CDC42BPA: variants seen among roughly 807,000 people sequenced by gnomAD.
CDC42BPA encodes the protein serine/threonine-protein kinase MRCK alpha.
CDC42BPA carries 80 observed loss-of-function variants against 223.5 expected under a neutral mutation model. The ratio of observed to expected loss-of-function variants is 0.36; its 90% CI spans 0.30 to 0.43. The LOEUF (loss-of-function observed/expected upper bound fraction) is 0.43, where lower values mean the gene tolerates loss of function less well. CDC42BPA is among the 20% of genes least tolerant of loss of function. The probability of loss-of-function intolerance (pLI) is 1.00; values close to 1 mark genes in which losing one functional copy is unlikely to be tolerated. For missense variants in CDC42BPA, 1,743 were observed against 2,099.9 expected, an observed-to-expected ratio of 0.83 and a Z score of 3.32; for synonymous variants, 694 against 718.6, an observed-to-expected ratio of 0.97 and a Z score of 0.55.
At chr1:227,084,372 A>T (rs1310856735) in intron 16 of CDC42BPA, among the ~76,000 whole-genome samples, 4 of 151,940 alleles carry the variant, frequency 2.6e-5, no homozygotes, top group Non-Finnish European at 4.4e-5. Context: ...TACTAAAAAT[A>T]AAAAAATTAG....
intron 1 of CDC42BPA, among the ~76,000 whole-genome samples, chr1:227,259,735 C>T (rs1241376901): frequency 1.3e-5 from 2 of 150,906 alleles, no homozygotes; most frequent in Non-Finnish European, 2.9e-5. Flanking sequence ...ACACTGCTAG[C>T]TCAGAGAAGG....
chr1:227,097,923 T>G (rs1684314557), intron 15 of CDC42BPA, among the ~76,000 whole-genome samples: 1 of 152,188 alleles, frequency 6.6e-6, no homozygotes, highest in East Asian at 1.9e-4. Context: ...AGTCAAAGGT[T>G]AAATCATACA....
intron 17 of CDC42BPA, among the ~76,000 whole-genome samples, chr1:227,078,804 C>T (rs1400413623): frequency 6.6e-6 from 1 of 152,086 alleles, no homozygotes. Flanking sequence ...TTGAGCATTA[C>T]CTCATTTTTC....
intron 35 of CDC42BPA, 116 bp from the exon 36 acceptor site, chr1:226,995,096 C>T: frequency 1.2e-6 from 1 of 866,692 alleles, no homozygotes; most frequent in Non-Finnish European, 1.8e-6. Context: ...CACTCCTCCC[C>T]TGAAGCGCAG....
chr1:227,111,085 A>G (rs1197313132), intron 14 of CDC42BPA, among the ~76,000 whole-genome samples: 1 of 152,240 alleles, frequency 6.6e-6, no homozygotes, highest in African/African-American at 2.4e-5. Context: ...TAATTACAAT[A>G]AGAGCTAAGC....
At chr1:227,071,264 T>C (rs955043059) in intron 20 of CDC42BPA, among the ~76,000 whole-genome samples, 2 of 151,914 alleles carry the variant, frequency 1.3e-5, no homozygotes, top group Admixed American at 6.6e-5. Flanking sequence ...TCTCACTGTG[T>C]TGCATGGCTG....
At chr1:227,228,548 C>T (rs1013308549) in intron 2 of CDC42BPA, among the ~76,000 whole-genome samples, 24 of 152,142 alleles carry the variant, frequency 1.6e-4, no homozygotes, top group Non-Finnish European at 3.2e-4. Flanking sequence ...GTACACATGT[C>T]GGAGTAGAAT....
chr1:227,129,310 G>A (rs1656497239), intron 10 of CDC42BPA, 79 bp from the exon 11 acceptor site: 3 of 1,045,544 alleles, frequency 2.9e-6, no homozygotes, highest in Non-Finnish European at 4.1e-6. Flanking sequence ...TTTTTTTGGA[G>A]AGAAATTCTT....
Position 227,027,270 on chromosome 1 carries a change from TTTC to T in CDC42BPA, c.4433-1121_4433-1119del, listed in dbSNP as rs142783102. ...CTGGATGGGTAGAACTAGAGGTATTTTTCTTTTGTCCTGTTCACGCAGACTTTC... is the reference window on the plus strand; with the variant it reads ...CTGGATGGGTAGAACTAGAGGTATTTTTTTGTCCTGTTCACGCAGACTTTC... On this transcript the variant is annotated intron_variant, in intron 30 of 36. Transcript: ENST00000366766. Among the ~76,000 whole-genome samples, 615 of 152,220 alleles carry T rather than the reference TTTC, an allele frequency of 4.0e-3. 6 individuals are homozygous for T. The highest frequency in any genetic ancestry group is 0.01 in the Middle Eastern group (3 of 294).
At chr1:227,088,972 C>T (rs1192453826) in intron 16 of CDC42BPA, among the ~76,000 whole-genome samples, 3 of 152,056 alleles carry the variant, frequency 2.0e-5, no homozygotes, top group Admixed American at 6.6e-5. Flanking sequence ...GCGATCTGCC[C>T]GCCTCGGACT....
chr1:227,106,419 T>C (rs912095362), intron 14 of CDC42BPA, among the ~76,000 whole-genome samples: 4 of 152,170 alleles, frequency 2.6e-5, no homozygotes, highest in Admixed American at 1.3e-4. Flanking sequence ...TGTCCTTTGA[T>C]ACCATACACA....
rs536804041 is a variant in CDC42BPA, at chr1:226,992,704, A to G, written c.*1564T>C. 3.9e-5 allele frequency: 6 copies of G among 152,348 alleles called. No homozygotes were observed. The East Asian group carries it at 9.6e-4, about 24-fold the overall frequency. The allele number at this position is 152,348 out of a possible 1,614,324, so 9.4% of individuals were successfully genotyped here. ...TCAGAGAAACTTAGGTGAAAAGTAA[A>G]AGAGAGGCAAAATCTCTTTCCTTCA... On this transcript the variant is annotated 3_prime_UTR_variant, in exon 37 of 37. Transcript: ENST00000366766.
At chr1:227,163,528 G>A (rs1164754346) in intron 5 of CDC42BPA, among the ~76,000 whole-genome samples, 2 of 151,700 alleles carry the variant, frequency 1.3e-5, no homozygotes, top group Non-Finnish European at 2.9e-5. Context: ...TATTATCACT[G>A]GTATCATTGG....
At chr1:227,137,296 A>G (rs1029297684) in intron 10 of CDC42BPA, among the ~76,000 whole-genome samples, 2 of 152,154 alleles carry the variant, frequency 1.3e-5, no homozygotes, top group African/African-American at 4.8e-5. Flanking sequence ...GGGAAATGCA[A>G]ATTAAAATCA....
chr1:227,085,501 C>T (rs1426085028), intron 16 of CDC42BPA, among the ~76,000 whole-genome samples: 1 of 152,252 alleles, frequency 6.6e-6, no homozygotes, highest in Non-Finnish European at 1.5e-5. Flanking sequence ...CTACTGATGA[C>T]ACAGGATTTT....
chr1:227,132,364 C>T (rs983390567), intron 10 of CDC42BPA, among the ~76,000 whole-genome samples: 52 of 152,008 alleles, frequency 3.4e-4, no homozygotes, highest in Non-Finnish European at 5.9e-4. Flanking sequence ...AGCTCCTAAC[C>T]GCGAGTGATC....
chr1:227,250,192 AT>A (rs1167762715), intron 2 of CDC42BPA, among the ~76,000 whole-genome samples: 1 of 152,154 alleles, frequency 6.6e-6, no homozygotes, highest in African/African-American at 2.4e-5. Flanking sequence ...ATTAAAAAAA[AT>A]AATAATAATA....
At chr1:227,268,581 T>C (rs934722203) in intron 1 of CDC42BPA, among the ~76,000 whole-genome samples, 1 of 147,254 alleles carries the variant, frequency 6.8e-6, no homozygotes, top group African/African-American at 2.5e-5. Flanking sequence ...ATAGTGTATA[T>C]ATATATGTGT....
At chr1:227,239,745 A>G (rs1398084726) in intron 2 of CDC42BPA, among the ~76,000 whole-genome samples, 1 of 152,164 alleles carries the variant, frequency 6.6e-6, no homozygotes, top group East Asian at 1.9e-4. Context: ...CTATTATAGT[A>G]ACAGAAGACA....
Sources: allele counts gnomAD v4.1 joint callset (sites outside exome capture counted in the v4.1 genomes callset), GRCh38; gene constraint gnomAD v4.1.1; transcripts MANE v1.5; gene names NCBI Gene and HGNC (gene_info 2026-07-23, HGNC 2026-07-21).